SRPK2: variants seen among roughly 807,000 people sequenced by gnomAD.
The protein encoded by SRPK2 is SFRS protein kinase 2.
In SRPK2, 21 loss-of-function variants were observed where a neutral mutation model predicts 90.8. That is an observed-to-expected ratio of 0.23 (90% confidence interval 0.16 to 0.33). SRPK2 has a LOEUF of 0.33. Among genes scored for constraint, SRPK2 ranks in the 10% least tolerant of loss-of-function variants. The pLI is 1.00. For synonymous variants in SRPK2, 288 were observed against 311.1 expected (o/e 0.93, Z 0.78); for missense variants, 620 against 869.0 (o/e 0.71, Z 3.60).
intron 3 of SRPK2, among the ~76,000 whole-genome samples, chr7:105,173,516 A>C (rs1336974626): frequency 6.6e-6 from 1 of 152,130 alleles, no homozygotes; most frequent in Non-Finnish European, 1.5e-5. Flanking sequence ...CGTGCACCAG[A>C]CCACACTAAC....
chr7:105,367,973 C>T (rs954306015), intron 2 of SRPK2, among the ~76,000 whole-genome samples: 3 of 152,054 alleles, frequency 2.0e-5, no homozygotes, highest in East Asian at 1.9e-4. Flanking sequence ...AAACTGTATA[C>T]GCTTTTCAGT....
rs1554435876 is a variant in SRPK2 at position 105,170,934 on chromosome 7, G to GGAAAGAAAGAAAGAAA, written c.230-1685_230-1670dup. ...AAGAAAGGAGAAAGAAAAAGAAAAA[G>GGAAAGAAAGAAAGAAA]GAAAGAAAGAAAGAAAGAAAGAAAG... On this transcript the variant is annotated intron_variant, in intron 3 of 15. Coordinates refer to ENST00000393651, the MANE Select transcript of SRPK2 (RefSeq NM_182692.3). Among the ~76,000 whole-genome samples the GGAAAGAAAGAAAGAAA allele has an allele frequency of 7.7e-3, 224 of 29,108 alleles. 19 individuals carry two copies. Among genetic ancestry groups the GGAAAGAAAGAAAGAAA allele is most frequent in the East Asian group, 0.018 (30 of 1,674 alleles). 19.1% of individuals were successfully genotyped at this position (29,108 alleles called of 152,430 possible).
rs535797199 is a variant in SRPK2 at position 105,382,541 on chromosome 7, A to G, written c.71+6107T>C. Among the ~76,000 whole-genome samples, 243 of 143,086 alleles carry G rather than the reference A, an allele frequency of 1.7e-3. 1 individual carries two copies. The highest frequency in any genetic ancestry group is 2.5e-3 in the Non-Finnish European group (163 of 65,526). The allele number at this position is 143,086 out of a possible 152,430, so 93.9% of individuals were successfully genotyped here. ...CACTCCAGCCTGGGCAACAAGAGCAAAACTCCATCTCAAAAAAAAAAAAAA... is the reference window on the plus strand; with the variant it reads ...CACTCCAGCCTGGGCAACAAGAGCAGAACTCCATCTCAAAAAAAAAAAAAA... On this transcript the variant is annotated intron_variant, in intron 2 of 15. Coordinates refer to ENST00000393651, the MANE Select transcript of SRPK2 (RefSeq NM_182692.3).
At chr7:105,321,992 C>T (rs1812990255) in intron 2 of SRPK2, among the ~76,000 whole-genome samples, 1 of 152,174 alleles carries the variant, frequency 6.6e-6, no homozygotes, top group South Asian at 2.1e-4. Flanking sequence ...AATATGTACA[C>T]CCATGATCAC....
At chr7:105,127,276 G>A (rs1223719803) in intron 13 of SRPK2, among the ~76,000 whole-genome samples, 1 of 152,216 alleles carries the variant, frequency 6.6e-6, no homozygotes, top group African/African-American at 2.4e-5. Flanking sequence ...TAAGAGCTAT[G>A]TATTCTCTTC....
chr7:105,349,845 T>C (rs966999741), intron 2 of SRPK2, among the ~76,000 whole-genome samples: 16 of 152,032 alleles, frequency 1.1e-4, no homozygotes, highest in Admixed American at 2.0e-4. Context: ...TTCAAGCGAT[T>C]CTCCTGCCTC....
chr7:105,182,231 C>CAAAA (rs368137906), intron 3 of SRPK2, among the ~76,000 whole-genome samples: 1 of 65,836 alleles, frequency 1.5e-5, no homozygotes, highest in Non-Finnish European at 2.9e-5. Flanking sequence ...GACTCTGTCT[C>CAAAA]AAAAAAAAAA....
At chr7:105,125,964 A>AC (rs1456396067) in intron 15 of SRPK2, 1 of 721,490 alleles carries the variant, frequency 1.4e-6, no homozygotes, top group African/African-American at 1.8e-5. Context: ...CCGCGCAGAC[A>AC]GAAACAGAGC....
chr7:105,127,076 G>A lies in SRPK2; in HGVS notation c.1753-14C>T. On this transcript the variant is annotated splice_polypyrimidine_tract_variant and intron_variant, in intron 13 of 15. Coordinates refer to ENST00000393651, the MANE Select transcript of SRPK2 (RefSeq NM_182692.3). ...CAGCTCAAATGCCTAGGATACAACAGACGACATGCTAAGCACTTCAGAGAC... is the reference window on the plus strand; with the variant it reads ...CAGCTCAAATGCCTAGGATACAACAAACGACATGCTAAGCACTTCAGAGAC... The A allele has an allele frequency of 6.2e-7, 1 of 1,613,958 alleles. No homozygotes were observed. The highest frequency in any genetic ancestry group is 8.5e-7 in the Non-Finnish European group (1 of 1,179,878).
chr7:105,167,889 G>C, intron 5 of SRPK2, 119 bp downstream of exon 5: 2 of 794,042 alleles, frequency 2.5e-6, no homozygotes, highest in Non-Finnish European at 4.0e-6. Context: ...GAGATTATAG[G>C]CATGAGCCAC....
intron 13 of SRPK2, among the ~76,000 whole-genome samples, chr7:105,127,954 G>A (rs959369639): frequency 6.6e-6 from 1 of 152,202 alleles, no homozygotes; most frequent in Non-Finnish European, 1.5e-5. Context: ...CTGTGGATCT[G>A]TGACTGCCCT....
At chr7:105,177,677 C>T (rs1792155144) in intron 3 of SRPK2, among the ~76,000 whole-genome samples, 1 of 152,060 alleles carries the variant, frequency 6.6e-6, no homozygotes, top group South Asian at 2.1e-4. Flanking sequence ...TATCACTGTG[C>T]TTTCAATTTT....
intron 11 of SRPK2, 128 bp downstream of exon 11, chr7:105,141,880 A>C: frequency 9.8e-7 from 1 of 1,022,714 alleles, no homozygotes; most frequent in Non-Finnish European, 1.4e-6. Flanking sequence ...AGGAGTATAA[A>C]AGTAATAAAA....
chr7:105,346,194 T>C (rs1239847517), intron 2 of SRPK2, among the ~76,000 whole-genome samples: 1 of 152,208 alleles, frequency 6.6e-6, no homozygotes, highest in East Asian at 1.9e-4. Flanking sequence ...TTTAAAGTTT[T>C]TTAAAAAATT....
chr7:105,127,171 A>G (rs1801327243), intron 13 of SRPK2, 109 bp from the exon 14 acceptor site: 1 of 968,036 alleles, frequency 1.0e-6, no homozygotes, highest in African/African-American at 1.6e-5. Flanking sequence ...TGAATCAAAC[A>G]AAATAGCCTC....
intron 7 of SRPK2, among the ~76,000 whole-genome samples, chr7:105,155,002 C>T (rs1459932928): frequency 1.3e-5 from 2 of 149,574 alleles, no homozygotes; most frequent in African/African-American, 4.9e-5. Flanking sequence ...CTGTTTGAGT[C>T]AGAATTTCGC....
In SRPK2 at chr7:105,396,788, AAGAAAG is replaced by A. The variant is rs774709230; in HGVS notation, n.153+2362_153+2367del. Among the ~76,000 whole-genome samples, 1,044 of 130,150 alleles carry A rather than the reference AAGAAAG, an allele frequency of 8.0e-3. 7 individuals carry two copies. Among genetic ancestry groups the A allele is most frequent in the Non-Finnish European group, 0.011 (656 of 61,578 alleles). The allele number at this position is 130,150 out of a possible 152,430, so 85.4% of individuals were successfully genotyped here. ...AGAGAGAAAGAAAGAGAGAGAAAGA[AAGAAAG>A]AGAAAGAGAAAGAAAGAAAGAGAGA... is the stretch of plus-strand genomic sequence containing the variant. On this transcript the variant is annotated intron_variant and non_coding_transcript_variant, in intron 1 of 3. Coordinates refer to the SRPK2 transcript ENST00000462282.
chr7:105,151,037 C>A (rs956065050), intron 7 of SRPK2, among the ~76,000 whole-genome samples: 11 of 152,062 alleles, frequency 7.2e-5, no homozygotes, highest in African/African-American at 2.7e-4. Context: ...GTCCCAATGA[C>A]AATGATGCAC....
chr7:105,259,678 C>T (rs1205489517), intron 2 of SRPK2, among the ~76,000 whole-genome samples: 1 of 152,100 alleles, frequency 6.6e-6, no homozygotes, highest in Non-Finnish European at 1.5e-5. Flanking sequence ...GTACTGGTAC[C>T]AAAACTGAGA....
Sources: allele counts gnomAD v4.1 joint callset (sites outside exome capture counted in the v4.1 genomes callset), GRCh38; gene constraint gnomAD v4.1.1; transcripts MANE v1.5; gene names NCBI Gene and HGNC (gene_info 2026-07-23, HGNC 2026-07-21).